NAA11: variants seen among roughly 807,000 people sequenced by gnomAD.
NAA11 encodes the protein N-alpha-acetyltransferase 11, NatA catalytic subunit.
In NAA11, 15 loss-of-function variants were observed where a neutral mutation model predicts 16.1. The observed-to-expected ratio is 0.93, with a 90% CI of 0.62 to 1.44. NAA11 has a LOEUF of 1.44. NAA11 is among the 40% of genes most tolerant of loss of function. NAA11 has a pLI of 0.00. For missense variants in NAA11, 298 were observed against 291.3 expected (o/e 1.02, Z -0.17); for synonymous variants, 122 against 112.4 (o/e 1.09, Z -0.54).
the NAA11 span, among the ~76,000 whole-genome samples, chr4:79,191,176 G>A: frequency 2.0e-5 from 3 of 152,096 alleles, no homozygotes; most frequent in Non-Finnish European, 2.9e-5. Context: ...ATATTCCTCT[G>A]GGTATATACC....
chr4:79,251,367 C>T (rs1721989501), intron 2 of NAA11, among the ~76,000 whole-genome samples: 2 of 152,188 alleles, frequency 1.3e-5, no homozygotes, highest in Admixed American at 1.3e-4. Flanking sequence ...AGCAAACTAA[C>T]ACAGGAACAG....
the NAA11 span, among the ~76,000 whole-genome samples, chr4:79,214,668 G>A: frequency 2.6e-5 from 4 of 151,982 alleles, no homozygotes; most frequent in East Asian, 3.9e-4. Context: ...GCATGGTGGC[G>A]GGCACCTGTA....
chr4:79,246,527 T>G (rs529974896), intron 2 of NAA11, among the ~76,000 whole-genome samples: 2 of 152,296 alleles, frequency 1.3e-5, no homozygotes, highest in African/African-American at 4.8e-5. Flanking sequence ...TAGTGGTATC[T>G]TCAGGAAAAA....
chr4:79,170,791 A>T, the NAA11 span, among the ~76,000 whole-genome samples: 1 of 149,500 alleles, frequency 6.7e-6, no homozygotes, highest in Non-Finnish European at 1.5e-5. Context: ...CTGTGATCTA[A>T]GTTTTTTTAA....
At chr4:79,233,483 A>T (rs1400401222) in intron 2 of NAA11, among the ~76,000 whole-genome samples, 1 of 151,842 alleles carries the variant, frequency 6.6e-6, no homozygotes, top group Non-Finnish European at 1.5e-5. Flanking sequence ...GGTTTATGTA[A>T]GGGGTTAGAA....
chr4:79,264,552 T>TA (rs1392175255), intron 2 of NAA11, among the ~76,000 whole-genome samples: 1 of 152,178 alleles, frequency 6.6e-6, no homozygotes, highest in African/African-American at 2.4e-5. Flanking sequence ...CTTTTATCTA[T>TA]ACCATTCCAA....
the NAA11 span, among the ~76,000 whole-genome samples, chr4:79,220,373 A>G: frequency 6.6e-6 from 1 of 151,980 alleles, no homozygotes; most frequent in African/African-American, 2.4e-5. Flanking sequence ...GATTACAGAC[A>G]TGAGCCACTG....
At chr4:79,198,351 C>G in the NAA11 span, among the ~76,000 whole-genome samples, 1 of 151,914 alleles carries the variant, frequency 6.6e-6, no homozygotes, top group Non-Finnish European at 1.5e-5. Flanking sequence ...CAAAATTGTA[C>G]TTTCCATCTG....
chr4:79,182,918 A>G, the NAA11 span, among the ~76,000 whole-genome samples: 2 of 152,140 alleles, frequency 1.3e-5, no homozygotes, highest in South Asian at 2.1e-4. Flanking sequence ...CTACTATGTC[A>G]AGACCTGTTC....
chr4:79,258,769 G>A (rs2109972725), intron 2 of NAA11: 1 of 152,612 alleles, frequency 6.6e-6, no homozygotes, highest in Admixed American at 6.5e-5. Context: ...GGGAACTTGT[G>A]GTTCCTTTTC....
At chr4:79,192,992 T>A in the NAA11 span, among the ~76,000 whole-genome samples, 1 of 152,216 alleles carries the variant, frequency 6.6e-6, no homozygotes, top group Admixed American at 6.5e-5. Flanking sequence ...TGATGAGCAT[T>A]TTTTCATGTG....
intron 2 of NAA11, among the ~76,000 whole-genome samples, chr4:79,242,416 C>A (rs962435743): frequency 1.3e-5 from 2 of 152,234 alleles, no homozygotes; most frequent in African/African-American, 4.8e-5. Flanking sequence ...CTTGATTACC[C>A]AGCAATTGTG....
chr4:79,159,690 T>C, the NAA11 span, among the ~76,000 whole-genome samples: 1 of 152,182 alleles, frequency 6.6e-6, no homozygotes, highest in Non-Finnish European at 1.5e-5. Context: ...AACCTAATAA[T>C]TAGAAGTCAC....
chr4:79,186,698 ATT>A, the NAA11 span, among the ~76,000 whole-genome samples: 1 of 152,182 alleles, frequency 6.6e-6, no homozygotes, highest in Non-Finnish European at 1.5e-5. Flanking sequence ...AAAGAGATGG[ATT>A]TTGTCAAATG....
At chr4:79,256,651 A>AATATATATAT (rs34533882) in intron 2 of NAA11, among the ~76,000 whole-genome samples, 2,816 of 130,680 alleles carry the variant, frequency 0.022, 55 homozygotes, top group Non-Finnish European at 0.03. Context: ...TATAAATATA[A>AATATATATAT]ATATATATAT....
At chr4:79,246,392 A>AAAAAAAAAAAAAAT (rs1721830861) in intron 2 of NAA11, among the ~76,000 whole-genome samples, 1 of 33,994 alleles carries the variant, frequency 2.9e-5, no homozygotes, top group African/African-American at 6.6e-5. Flanking sequence ...AAAAAAAAAA[A>AAAAAAAAAAAAAAT]AAAAAAAGAA....
chr4:79,251,883 AC>A (rs1722005423), intron 2 of NAA11, among the ~76,000 whole-genome samples: 1 of 152,186 alleles, frequency 6.6e-6, no homozygotes, highest in Admixed American at 6.5e-5. Context: ...ATTCAAAAAA[AC>A]ATCTGCACTC....
chr4:79,207,359 A>C, the NAA11 span, among the ~76,000 whole-genome samples: 1 of 117,510 alleles, frequency 8.5e-6, no homozygotes, highest in Admixed American at 1.1e-4. Flanking sequence ...ATTAAGGTTG[A>C]ATGAGGTTAA....
chr4:79,216,927 A>G, the NAA11 span, among the ~76,000 whole-genome samples: 1 of 152,224 alleles, frequency 6.6e-6, no homozygotes, highest in Non-Finnish European at 1.5e-5. Context: ...AAACATATGC[A>G]TATCTGAAAT....
Sources: gnomAD v4.1 joint callset for allele counts (sites outside exome capture counted in the v4.1 genomes callset) on GRCh38, gnomAD v4.1.1 for gene constraint, MANE v1.5 for transcripts, NCBI Gene and HGNC (gene_info 2026-07-23, HGNC 2026-07-21) for gene names.